Variants in PACRG observed in about 807,000 individuals in gnomAD.
PACRG encodes the protein parkin coregulated, also known as parkin coregulated gene protein.
PACRG carries 29 observed loss-of-function variants against 29.7 expected under a neutral mutation model. That is an observed-to-expected ratio of 0.98 (90% confidence interval 0.73 to 1.33). PACRG has a LOEUF of 1.33. PACRG is among the 40% of genes most tolerant of loss of function. The pLI is 0.00. For synonymous variants in PACRG, 116 were observed against 118.7 expected, an observed-to-expected ratio of 0.98 and a Z score of 0.15; for missense variants, 279 against 316.2, an observed-to-expected ratio of 0.88 and a Z score of 0.89.
chr6:163,276,530 T>A (rs1784034067), intron 4 of PACRG, among the ~76,000 whole-genome samples: 1 of 152,098 alleles, frequency 6.6e-6, no homozygotes, highest in Non-Finnish European at 1.5e-5. Context: ...TCATTCTGGG[T>A]CAGTTTTCCT....
intron 2 of PACRG, among the ~76,000 whole-genome samples, chr6:162,839,677 G>A (rs1417688906): frequency 1.3e-5 from 2 of 152,142 alleles, no homozygotes; most frequent in African/African-American, 4.8e-5. Flanking sequence ...CCATGCCTAT[G>A]TCCTGAATGG....
At chr6:163,081,523 A>G (rs1470233687) in intron 3 of PACRG, among the ~76,000 whole-genome samples, 1 of 152,218 alleles carries the variant, frequency 6.6e-6, no homozygotes, top group African/African-American at 2.4e-5. Context: ...TTGGAAGGCC[A>G]AGGAGGGCAG....
At chr6:162,792,737 T>C (rs1253922843) in intron 1 of PACRG, among the ~76,000 whole-genome samples, 1 of 152,090 alleles carries the variant, frequency 6.6e-6, no homozygotes, top group Non-Finnish European at 1.5e-5. Context: ...AAAAAGGCAA[T>C]CTGAGACAGG....
At chr6:163,269,936 AAAGAAAGAAAGAAAGAAAGAAAGAAAG>A (rs1783727650) in intron 4 of PACRG, among the ~76,000 whole-genome samples, 5 of 15,480 alleles carry the variant, frequency 3.2e-4, no homozygotes, top group Admixed American at 7.4e-4. Flanking sequence ...GAAAACAAAG[AAAGAAAGAAAGAAAGAAAGAAAGAAAG>A]AAAGAAAGAA....
chr6:162,826,456 T>C (rs1437240980), intron 2 of PACRG, among the ~76,000 whole-genome samples: 1 of 150,006 alleles, frequency 6.7e-6, no homozygotes, highest in Non-Finnish European at 1.5e-5. Context: ...ATTTTTCTTT[T>C]TTCTTTTTTC....
chr6:162,837,251 G>C (rs1419774915), intron 2 of PACRG, among the ~76,000 whole-genome samples: 1 of 152,094 alleles, frequency 6.6e-6, no homozygotes, highest in Non-Finnish European at 1.5e-5. Context: ...ACTAACTATT[G>C]TGAATCAAGT....
At chr6:162,874,146 A>AT (rs1274676462) in intron 2 of PACRG, among the ~76,000 whole-genome samples, 3 of 112,016 alleles carry the variant, frequency 2.7e-5, no homozygotes, top group African/African-American at 9.7e-5. Flanking sequence ...AGTTAAAAAA[A>AT]AAAAAATATA....
At chr6:162,848,003 C>T (rs1003020619) in intron 2 of PACRG, among the ~76,000 whole-genome samples, 7 of 152,024 alleles carry the variant, frequency 4.6e-5, no homozygotes, top group Non-Finnish European at 7.4e-5. Context: ...GCCAAGAAGC[C>T]CCCAAGTTGC....
At chr6:163,293,353 A>G (rs965192915) in intron 4 of PACRG, among the ~76,000 whole-genome samples, 107 of 152,362 alleles carry the variant, frequency 7.0e-4, no homozygotes, top group African/African-American at 2.5e-3. Context: ...TGGAACATCC[A>G]GAGGCCCAAA....
intron 4 of PACRG, among the ~76,000 whole-genome samples, chr6:163,143,019 G>A (rs1777615333): frequency 6.6e-6 from 1 of 152,190 alleles, no homozygotes; most frequent in African/African-American, 2.4e-5. Context: ...GAAGACAGCG[G>A]TGGAAACGCT....
intron 2 of PACRG, among the ~76,000 whole-genome samples, chr6:162,924,415 C>T (rs557592534): frequency 1.3e-5 from 2 of 152,156 alleles, no homozygotes; most frequent in South Asian, 2.1e-4. Flanking sequence ...CTAGGACTTC[C>T]AGTACTCTAT....
chr6:163,230,625 C>T (rs748685802), intron 4 of PACRG, among the ~76,000 whole-genome samples: 5 of 127,610 alleles, frequency 3.9e-5, no homozygotes, highest in African/African-American at 5.8e-5. Context: ...ACTTATTTGA[C>T]GTGTCCAAAT....
rs189702071 is a variant in PACRG at position 163,213,696 on chromosome 6, T to A, written c.614-101131T>A. Among the ~76,000 whole-genome samples, 350 of 152,326 alleles carry A rather than the reference T, an allele frequency of 2.3e-3. 3 individuals are homozygous for A. Among genetic ancestry groups the A allele is most frequent in the African/African-American group, 8.1e-3 (335 of 41,576 alleles). On this transcript the variant is annotated intron_variant, in intron 4 of 4. Transcript: ENST00000366888. ...TTATTTTTTTCTCATTGATTGGTAT[T>A]AGTTATTTGTAAATTAAGGAAATTA... is the stretch of plus-strand genomic sequence containing the variant.
intron 3 of PACRG, among the ~76,000 whole-genome samples, chr6:163,072,236 G>A (rs558010337): frequency 6.6e-6 from 1 of 152,038 alleles, no homozygotes; most frequent in East Asian, 1.9e-4. Context: ...ACATTAAAAA[G>A]ATCATTCATC....
intron 2 of PACRG, among the ~76,000 whole-genome samples, chr6:163,000,416 C>T (rs1349154310): frequency 6.6e-6 from 1 of 152,152 alleles, no homozygotes; most frequent in East Asian, 1.9e-4. Flanking sequence ...ACCCCCATTG[C>T]ACTCCCATCA....
intron 2 of PACRG, among the ~76,000 whole-genome samples, chr6:162,935,278 T>C (rs1490021378): frequency 6.6e-6 from 1 of 152,162 alleles, no homozygotes; most frequent in Admixed American, 6.5e-5. Context: ...ATAAATTATC[T>C]AGGACTTTTT....
chr6:162,954,167 G>A (rs1799852929), intron 2 of PACRG, among the ~76,000 whole-genome samples: 1 of 152,158 alleles, frequency 6.6e-6, no homozygotes, highest in East Asian at 1.9e-4. Flanking sequence ...TACCACTTCA[G>A]AGACTGATGA....
At chr6:163,089,457 A>C in intron 4 of PACRG, 49 bp downstream of exon 4, 1 of 1,590,296 alleles carries the variant, frequency 6.3e-7, no homozygotes, top group African/African-American at 1.3e-5. Context: ...AGAAAAAGGG[A>C]GTGGTTTGAA....
At chr6:163,196,771 A>G (rs1041790033) in intron 4 of PACRG, among the ~76,000 whole-genome samples, 7 of 152,174 alleles carry the variant, frequency 4.6e-5, no homozygotes, top group African/African-American at 1.7e-4. Context: ...GAAAGACTAG[A>G]GAGACAGACA....
Sources: allele counts gnomAD v4.1 joint callset (sites outside exome capture counted in the v4.1 genomes callset), GRCh38; gene constraint gnomAD v4.1.1; transcripts MANE v1.5; gene names NCBI Gene and HGNC (gene_info 2026-07-23, HGNC 2026-07-21).